The following NFAM1 variants were observed in gnomAD, a reference collection of about 807,000 sequenced individuals.
NFAM1 encodes the protein NFAT activating protein with ITAM motif 1, also known as NFAT activation molecule 1.
NFAM1 carries 17 observed loss-of-function variants against 29.0 expected under a neutral mutation model. The ratio of observed to expected loss-of-function variants is 0.59; its 90% CI spans 0.40 to 0.88. The LOEUF (loss-of-function observed/expected upper bound fraction) is 0.88. NFAM1 is among the 40% of genes least tolerant of loss of function. The pLI, the probability that NFAM1 is intolerant of heterozygous loss-of-function variation, is 0.00. For missense variants in NFAM1, 324 were observed against 344.6 expected, an observed-to-expected ratio of 0.94 and a Z score of 0.47; for synonymous variants, 175 against 147.2, an observed-to-expected ratio of 1.19 and a Z score of -1.36.
chr22:42,433,297 G>C (rs1049526570), upstream of NFAM1, among the ~76,000 whole-genome samples: 1 of 152,204 alleles, frequency 6.6e-6, no homozygotes, highest in Admixed American at 6.5e-5. Flanking sequence ...AGACGCAGGC[G>C]GGAAGGTGGC....
In NFAM1 at chr22:42,384,248, A is replaced by C. The variant is rs942707497; in HGVS notation, c.*913T>G. 6.5e-6 allele frequency: 1 copy of C among 153,594 alleles called. No homozygotes were observed. The highest frequency in any genetic ancestry group is 2.4e-5 in the African/African-American group (1 of 41,428). 9.5% of individuals were successfully genotyped at this position (153,594 alleles called of 1,614,324 possible). A position where few individuals can be genotyped will look rare whatever the true frequency, so the allele number is the denominator to read the frequency against. On this transcript the variant is annotated 3_prime_UTR_variant, in exon 6 of 6. Transcript: ENST00000329021. Reference sequence around the variant, plus strand: ...GACAGAAGGGACTTTGGGGGACTCCACCTTGGGTAGAAGGAGGGACAGCTG... The same window carrying C: ...GACAGAAGGGACTTTGGGGGACTCCCCCTTGGGTAGAAGGAGGGACAGCTG...
At chr22:42,394,696 A>G (rs955242686) in intron 4 of NFAM1, among the ~76,000 whole-genome samples, 1 of 152,324 alleles carries the variant, frequency 6.6e-6, no homozygotes, top group Non-Finnish European at 1.5e-5. Context: ...AAGAAGGAAG[A>G]CTATATTTTA....
intron 2 of NFAM1, chr22:42,410,261 C>T (rs1569231613): frequency 8.8e-6 from 2 of 225,996 alleles, no homozygotes; most frequent in East Asian, 1.8e-4. Flanking sequence ...TATGGGATTC[C>T]GAAGCCCCCA....
intron 1 of NFAM1, among the ~76,000 whole-genome samples, chr22:42,413,877 A>T (rs1310210980): frequency 6.6e-6 from 1 of 152,156 alleles, no homozygotes; most frequent in African/African-American, 2.4e-5. Flanking sequence ...AACATGGCAA[A>T]ACCCCGTCTC....
chr22:42,423,773 T>C (rs909879456), intron 1 of NFAM1, among the ~76,000 whole-genome samples: 2 of 150,706 alleles, frequency 1.3e-5, no homozygotes, highest in African/African-American at 2.4e-5. Context: ...CAGGCTGGAG[T>C]GCAGTGGCAT....
chr22:42,407,114 G>C (rs5996159), intron 3 of NFAM1, among the ~76,000 whole-genome samples: 59,360 of 140,766 alleles, frequency 0.42, 13,355 homozygotes, highest in African/African-American at 0.62. Flanking sequence ...GAGTCTCGCT[G>C]TGTTGCCCAG....
At position 42,397,960 on chromosome 22, in the gene NFAM1, T is replaced by C; in HGVS notation, c.565-4A>G. On this transcript the variant is annotated splice_polypyrimidine_tract_variant and splice_region_variant and intron_variant, in intron 3 of 5. Transcript: ENST00000329021. ...TCCCTGGACCCCGCATCCGCTTCTG[T>C]AGGGAGAAAGGAGTCAGGGCCAGGG... 6.4e-7 allele frequency: 1 copy of C among 1,567,728 alleles called. No homozygotes were observed. The highest frequency in any genetic ancestry group is 1.1e-5 in the South Asian group (1 of 88,138).
At position 42,393,074 on chromosome 22, in the gene NFAM1, G is replaced by T. The variant is rs572253913; in HGVS notation, c.663+4784C>A. On this transcript the variant is annotated intron_variant, in intron 4 of 5. Coordinates refer to ENST00000329021, the MANE Select transcript of NFAM1 (RefSeq NM_145912.8). ...CTCAGCCTCCCAAAGAATAGGTCAA[G>T]TTTTTTTTAAAACAAATTGAAGTAG... Among the ~76,000 whole-genome samples, 14 of 151,786 alleles carry T rather than the reference G, an allele frequency of 9.2e-5. 1 individual carries two copies. The South Asian group carries it at 1.5e-3, about 16-fold the overall frequency.
chr22:42,387,802 C>A (rs948741803), intron 4 of NFAM1, among the ~76,000 whole-genome samples: 1 of 152,148 alleles, frequency 6.6e-6, no homozygotes, highest in African/African-American at 2.4e-5. Flanking sequence ...GTCTCAAGCT[C>A]CTGCCACCCA....
Position 42,383,698 on chromosome 22 carries a change from C to T in NFAM1, c.*1463G>A, listed in dbSNP as rs1929034977. 6.5e-6 allele frequency: 1 copy of T among 152,728 alleles called. No homozygotes were observed. The highest frequency in any genetic ancestry group is 2.4e-5 in the African/African-American group (1 of 41,468). The allele number at this position is 152,728 out of a possible 1,614,324, so 9.5% of individuals were successfully genotyped here. On this transcript the variant is annotated 3_prime_UTR_variant, in exon 6 of 6. Transcript: ENST00000329021. ...CAGAACCAAAGGTGCTTCTGTGAGC[C>T]AGTAGCCCAGTGCTGCTTGGGGGCA... is the stretch of plus-strand genomic sequence containing the variant.
intron 3 of NFAM1, among the ~76,000 whole-genome samples, chr22:42,405,350 C>T (rs936315934): frequency 6.6e-6 from 1 of 152,116 alleles, no homozygotes; most frequent in African/African-American, 2.4e-5. Flanking sequence ...GGTGGGGGTC[C>T]GCAGGCGGGG....
rs6002729 is a variant in NFAM1, at chr22:42,418,846, G to A, written c.122-7110C>T. The stretch of plus-strand genomic sequence containing the variant: ...CAGACTTGGGCACTGTCCCTGTCCC[G>A]GGCGCTGGCCTGGCCTGGCTGAAGG... On this transcript the variant is annotated intron_variant, in intron 1 of 5. Transcript: ENST00000329021. Among the ~76,000 whole-genome samples, 319 of 152,288 alleles carry A rather than the reference G, an allele frequency of 2.1e-3. 1 individual carries two copies. Among genetic ancestry groups the A allele is most frequent in the African/African-American group, 6.5e-3 (272 of 41,576 alleles).
chr22:42,404,809 G>A (rs1000437716), intron 3 of NFAM1, among the ~76,000 whole-genome samples: 5 of 142,460 alleles, frequency 3.5e-5, no homozygotes, highest in African/African-American at 1.1e-4. Context: ...AGTCAAGGTC[G>A]CACCATTGTA....
chr22:42,432,745 C>A (rs1348406990), upstream of NFAM1, among the ~76,000 whole-genome samples: 1 of 152,210 alleles, frequency 6.6e-6, no homozygotes, highest in African/African-American at 2.4e-5. Context: ...ACTTTTAAAA[C>A]GACCACAAGC....
chr22:42,391,045 C>G (rs1929323035), intron 4 of NFAM1, among the ~76,000 whole-genome samples: 1 of 152,136 alleles, frequency 6.6e-6, no homozygotes, highest in African/African-American at 2.4e-5. Flanking sequence ...GGCCTTGAAA[C>G]CTGTTACCAC....
chr22:42,390,456 G>A (rs1270785247), intron 4 of NFAM1, among the ~76,000 whole-genome samples: 1 of 152,132 alleles, frequency 6.6e-6, no homozygotes, highest in African/African-American at 2.4e-5. Flanking sequence ...GGAAGAGGGG[G>A]CAATTTTGAA....
intron 1 of NFAM1, 152 bp downstream of exon 1, chr22:42,432,085 G>A (rs1466379786): frequency 1.4e-6 from 1 of 718,462 alleles, no homozygotes; most frequent in Non-Finnish European, 2.4e-6. Flanking sequence ...CTCGGTCCCA[G>A]AAGGCTTCCC....
intron 3 of NFAM1, among the ~76,000 whole-genome samples, chr22:42,398,386 TTATTA>T (rs1929607391): frequency 2.2e-4 from 21 of 94,858 alleles, no homozygotes; most frequent in African/African-American, 5.0e-4. Flanking sequence ...GTTTTATTTA[TTATTA>T]TTATTATTAT....
chr22:42,393,143 C>T (rs1255649205), intron 4 of NFAM1, among the ~76,000 whole-genome samples: 1 of 151,810 alleles, frequency 6.6e-6, no homozygotes, highest in Non-Finnish European at 1.5e-5. Flanking sequence ...GAGCACTCTT[C>T]CACATGAATA....
Sources: allele counts gnomAD v4.1 joint callset (sites outside exome capture counted in the v4.1 genomes callset), GRCh38; gene constraint gnomAD v4.1.1; transcripts MANE v1.5; gene names NCBI Gene and HGNC (gene_info 2026-07-23, HGNC 2026-07-21).